Variants in NLRP8 observed in about 807,000 individuals in gnomAD.
The protein encoded by NLRP8 is NLR family pyrin domain containing 8, also known as NACHT, LRR and PYD domains-containing protein 8.
In NLRP8, 86 loss-of-function variants were observed where a neutral mutation model predicts 88.7. The ratio of observed to expected loss-of-function variants is 0.97; its 90% confidence interval spans 0.81 to 1.16. The LOEUF is 1.16. NLRP8 is among the 50% of genes most tolerant of loss of function. The pLI is 0.00. For synonymous variants in NLRP8, 504 were observed against 494.6 expected, an observed-to-expected ratio of 1.02 and a Z score of -0.25; for missense variants, 1,342 against 1,286.5, an observed-to-expected ratio of 1.04 and a Z score of -0.66.
intron 9 of NLRP8, among the ~76,000 whole-genome samples, chr19:55,983,929 C>T (rs1600320281): frequency 6.6e-6 from 1 of 151,576 alleles, no homozygotes; most frequent in East Asian, 1.9e-4. Context: ...TGAGGAAGGG[C>T]TTCTAAAAAA....
intron 4 of NLRP8, among the ~76,000 whole-genome samples, chr19:55,962,870 G>A (rs12611033): frequency 0.15 from 22,829 of 152,238 alleles, 1,748 homozygotes; most frequent in South Asian, 0.2. Context: ...CCACAGGACC[G>A]TACCTGAAGT....
At chr19:55,949,755 A>G (rs1979010752) in intron 1 of NLRP8, among the ~76,000 whole-genome samples, 1 of 152,176 alleles carries the variant, frequency 6.6e-6, no homozygotes, top group Admixed American at 6.5e-5. Context: ...GAATGGAGAA[A>G]ACGTCAGCTC....
At chr19:55,962,612 G>A (rs749378772) in intron 4 of NLRP8, among the ~76,000 whole-genome samples, 3 of 152,062 alleles carry the variant, frequency 2.0e-5, no homozygotes, top group African/African-American at 4.8e-5. Flanking sequence ...TGTTCAGCCC[G>A]GTGCTGTGGC....
At position 55,962,160 on chromosome 19, in the gene NLRP8, C is replaced by A; in HGVS notation, c.2136C>A (p.Asn712Lys). 1.2e-6 allele frequency: 2 copies of A among 1,614,206 alleles called. No individual in the cohort carries two copies. The highest frequency in any genetic ancestry group is 1.7e-6 in the Non-Finnish European group (2 of 1,180,022). The change falls in exon 4 of 10, where the codon AAC (asparagine) becomes AAA (lysine). Residue 712 changes from asparagine to lysine, a missense_variant. By Grantham distance (94) the Asn-to-Lys change is moderately conservative. Transcript: ENST00000291971. ...AGCTGGAAGTCCTGACTATGACCAA[C>A]AGTGTTTTGGGGCCTCCTTTTTTGA...
chr19:55,978,202 T>A (rs28514377), intron 8 of NLRP8, among the ~76,000 whole-genome samples: 7,403 of 152,206 alleles, frequency 0.049, 262 homozygotes, highest in African/African-American at 0.089. Context: ...TAATTTTTTT[T>A]AAATTTTTTT....
intron 5 of NLRP8, among the ~76,000 whole-genome samples, chr19:55,967,173 C>T (rs1212016801): frequency 6.6e-6 from 1 of 152,198 alleles, no homozygotes; most frequent in Admixed American, 6.5e-5. Context: ...CTTTTTCAAC[C>T]TGTTAACCCG....
chr19:55,962,153 T>C lies in NLRP8; in HGVS notation c.2129T>C (p.Met710Thr). ...AATGATAAGCTGGAAGTCCTGACTA[T>C]GACCAACAGTGTTTTGGGGCCTCCT... The change falls in exon 4 of 10, where the codon ATG becomes ACG. Residue 710 changes from methionine to threonine, a missense_variant. Coordinates refer to ENST00000291971, the MANE Select transcript of NLRP8 (RefSeq NM_176811.2). 1 of 1,614,220 alleles carries C rather than the reference T, an allele frequency of 6.2e-7. No individual in the cohort carries two copies.
intron 2 of NLRP8, among the ~76,000 whole-genome samples, chr19:55,953,404 A>G (rs887737977): frequency 1.3e-5 from 2 of 152,090 alleles, no homozygotes; most frequent in Admixed American, 1.3e-4. Flanking sequence ...AATTATCCCA[A>G]AACCATCCCC....
chr19:55,955,567 T>C lies in NLRP8; in HGVS notation c.1509T>C (p.Tyr503=). 6.2e-7 allele frequency: 1 copy of C among 1,614,220 alleles called. No homozygotes were observed. The highest frequency in any genetic ancestry group is 8.5e-7 in the Non-Finnish European group (1 of 1,180,034). The change falls in exon 3 of 10, where the codon TAT becomes TAC. Residue 503 remains tyrosine, a synonymous_variant. Coordinates refer to ENST00000291971, the MANE Select transcript of NLRP8 (RefSeq NM_176811.2). Reference sequence around the variant, plus strand: ...GAATTGCAGGTGAGGAAGACCACTATGTCTTTACCCTCGTGACTTTTCAGG... The same window carrying C: ...GAATTGCAGGTGAGGAAGACCACTACGTCTTTACCCTCGTGACTTTTCAGG...
chr19:55,984,027 A>T (rs306468), intron 9 of NLRP8, among the ~76,000 whole-genome samples: 55,464 of 151,810 alleles, frequency 0.37, 10,687 homozygotes, highest in Non-Finnish European at 0.43. Context: ...AGAGCAAAAA[A>T]CCCAACCACT....
rs191914311 is a variant in NLRP8 at position 55,988,309 on chromosome 19, C to A, written c.*396C>A. ...GCTCGGGAGGCTGAGGCAGGAGAATCACTTGAATCTAGGAGGCAGAGTTTG... is the reference window on the plus strand; with the variant it reads ...GCTCGGGAGGCTGAGGCAGGAGAATAACTTGAATCTAGGAGGCAGAGTTTG... On this transcript the variant is annotated 3_prime_UTR_variant, in exon 10 of 10. Coordinates refer to ENST00000291971, the MANE Select transcript of NLRP8 (RefSeq NM_176811.2). The A allele has an allele frequency of 1.6e-3, 259 of 160,968 alleles. 3 individuals are homozygous for A. Among genetic ancestry groups the A allele is most frequent in the African/African-American group, 6.0e-3 (248 of 41,298 alleles). The allele number at this position is 160,968 out of a possible 1,614,324, so 10.0% of individuals were successfully genotyped here. A position where few individuals can be genotyped will look rare whatever the true frequency, so the allele number is the denominator to read the frequency against.
chr19:55,965,430 A>T (rs1979791778), intron 4 of NLRP8, among the ~76,000 whole-genome samples: 1 of 151,928 alleles, frequency 6.6e-6, no homozygotes, highest in Non-Finnish European at 1.5e-5. Flanking sequence ...CAGCCTGCGC[A>T]ACAGAGTGAG....
intron 9 of NLRP8, among the ~76,000 whole-genome samples, chr19:55,982,876 C>A (rs1359305173): frequency 6.6e-6 from 1 of 152,088 alleles, no homozygotes; most frequent in Non-Finnish European, 1.5e-5. Context: ...AGCCCAGAAT[C>A]TCAAGGCTGC....
chr19:55,952,484 C>A, intron 1 of NLRP8, 54 bp from the exon 2 acceptor site: 1 of 1,483,154 alleles, frequency 6.7e-7, no homozygotes, highest in Non-Finnish European at 9.4e-7. Flanking sequence ...TGCTGTTTCC[C>A]TGCTACCAAG....
intron 9 of NLRP8, among the ~76,000 whole-genome samples, chr19:55,983,463 C>CAAAAAAAAAAAA (rs3974175): frequency 8.2e-5 from 7 of 85,322 alleles, no homozygotes; most frequent in African/African-American, 2.5e-4. Flanking sequence ...GACTCCATCT[C>CAAAAAAAAAAAA]AAAAAAAAAA....
At chr19:55,978,998 T>C (rs1342789412) in intron 8 of NLRP8, among the ~76,000 whole-genome samples, 1 of 152,176 alleles carries the variant, frequency 6.6e-6, no homozygotes, top group Non-Finnish European at 1.5e-5. Flanking sequence ...TTTGAATACA[T>C]GTATTTTGTT....
Position 55,947,879 on chromosome 19 carries a change from A to G in NLRP8, c.-24A>G. ...TCGGTTGTCTTTATCGTGGACACTG[A>G]GGTGTTCTCTGCCTTGACTAAAGAT... On this transcript the variant is annotated 5_prime_UTR_variant, in exon 1 of 10. Transcript: ENST00000291971. 6.3e-7 allele frequency: 1 copy of G among 1,590,420 alleles called. No homozygotes were observed.
chr19:55,961,272 C>T (rs1389829239), intron 3 of NLRP8, among the ~76,000 whole-genome samples: 1 of 152,072 alleles, frequency 6.6e-6, no homozygotes, highest in Non-Finnish European at 1.5e-5. Flanking sequence ...CTCTCTGAAA[C>T]GATTGTATGG....
chr19:55,964,790 T>A (rs1979767513), intron 4 of NLRP8, among the ~76,000 whole-genome samples: 1 of 151,710 alleles, frequency 6.6e-6, no homozygotes, highest in Non-Finnish European at 1.5e-5. Context: ...GTTAGCCACC[T>A]CCGTTGTGGT....
Sources: gnomAD v4.1 joint callset for allele counts (sites outside exome capture counted in the v4.1 genomes callset) on GRCh38, gnomAD v4.1.1 for gene constraint, MANE v1.5 for transcripts, NCBI Gene and HGNC (gene_info 2026-07-23, HGNC 2026-07-21) for gene names.